The following RAB37 variants were observed in gnomAD, a reference collection of about 807,000 sequenced individuals.
RAB37 encodes the protein ras-related protein Rab-37.
RAB37 carries 29 observed loss-of-function variants against 33.1 expected under a neutral mutation model. The observed-to-expected ratio is 0.88, with a 90% CI of 0.65 to 1.20. The LOEUF is 1.20. Ranked by LOEUF, RAB37 falls within the 50% of genes most tolerant of loss-of-function variation. The pLI is 0.00. For missense variants in RAB37, 299 were observed against 301.1 expected (o/e 0.99, Z 0.05); for synonymous variants, 128 against 119.5 (o/e 1.07, Z -0.47).
At chr17:74,739,581 G>A (rs1356224618) in intron 1 of RAB37, among the ~76,000 whole-genome samples, 1 of 144,908 alleles carries the variant, frequency 6.9e-6, no homozygotes, top group Non-Finnish European at 1.5e-5. Context: ...CGAGGCTGGA[G>A]TTCAGTGATG....
chr17:74,709,581 A>T (rs978113506), intron 1 of RAB37, among the ~76,000 whole-genome samples: 6 of 151,604 alleles, frequency 4.0e-5, no homozygotes, highest in Non-Finnish European at 7.4e-5. Context: ...TTTTTTTGAG[A>T]TGGAGTCTTG....
chr17:74,708,842 G>A (rs904282474), intron 1 of RAB37, among the ~76,000 whole-genome samples: 1 of 151,616 alleles, frequency 6.6e-6, no homozygotes, highest in Non-Finnish European at 1.5e-5. Context: ...GTGAACCCGG[G>A]GGGGCGGAGC....
At chr17:74,715,411 G>A (rs2034153156) in intron 1 of RAB37, among the ~76,000 whole-genome samples, 2 of 152,218 alleles carry the variant, frequency 1.3e-5, no homozygotes, top group African/African-American at 4.8e-5. Flanking sequence ...TCAAGAATCC[G>A]GGGTGAGGGC....
intron 1 of RAB37, among the ~76,000 whole-genome samples, chr17:74,675,677 C>T (rs2031814829): frequency 6.6e-6 from 1 of 152,156 alleles, no homozygotes; most frequent in South Asian, 2.1e-4. Context: ...TTCTGACTTC[C>T]TAAGTTGAGT....
intron 1 of RAB37, chr17:74,705,088 A>G: frequency 3.1e-6 from 2 of 645,364 alleles, no homozygotes; most frequent in South Asian, 1.7e-5. Context: ...CCCTCTCTCC[A>G]CCCTACGGCC....
intron 1 of RAB37, among the ~76,000 whole-genome samples, chr17:74,712,267 C>T (rs1219873858): frequency 1.3e-5 from 2 of 152,192 alleles, no homozygotes; most frequent in Non-Finnish European, 2.9e-5. Context: ...TGGCTCTGCC[C>T]ACATCTCAGT....
Position 74,671,749 on chromosome 17 carries a change from A to C in RAB37, c.72+91A>C. ...CTCCCCTGACTTTGCTTTGGGACTT[A>C]ATGAGAAACTAGCTTGTATCTGTGA... On this transcript the variant is annotated intron_variant, in intron 1 of 7. Coordinates refer to the RAB37 transcript ENST00000340415. This position sits in a 1 kb window ranked among gnomAD's most constrained non-coding sequence, Gnocchi z 5.0. The C allele has an allele frequency of 9.1e-7, 1 of 1,102,228 alleles. No individual in the cohort carries two copies. Among genetic ancestry groups the C allele is most frequent in the Non-Finnish European group, 1.4e-6 (1 of 726,514 alleles). 68.3% of individuals were successfully genotyped at this position (1,102,228 alleles called of 1,614,324 possible). A position where few individuals can be genotyped will look rare whatever the true frequency, so the allele number is the denominator to read the frequency against.
chr17:74,737,157 G>A (rs1162474237), upstream of RAB37: 2 of 1,564,348 alleles, frequency 1.3e-6, no homozygotes, highest in African/African-American at 2.7e-5. Flanking sequence ...GGGACGGAGG[G>A]AGGAGCCTGA....
intron 1 of RAB37, chr17:74,695,066 T>C: frequency 6.2e-7 from 1 of 1,602,698 alleles, no homozygotes; most frequent in East Asian, 2.2e-5. Context: ...GCTCACAGCC[T>C]GGGGTCCAAG....
Position 74,743,325 on chromosome 17 carries a change from TTTCGACAACATCAGGGTAGGTCCTCCC to T in RAB37, c.355_366+15del. Reference sequence around the variant, plus strand: ...TGTATGACATCACCAACAAATCTTCTTTCGACAACATCAGGGTAGGTCCTCCCTTCCCCTGACTCCCACCCATAAGCA... The same window carrying T: ...TGTATGACATCACCAACAAATCTTCTTTCCCCTGACTCCCACCCATAAGCA... On this transcript the variant is annotated splice_donor_variant and splice_donor_5th_base_variant and coding_sequence_variant and intron_variant, in exon 5 of 9. Coordinates refer to ENST00000392613, the MANE Select transcript of RAB37 (RefSeq NM_001006638.3). LOFTEE classifies it high-confidence loss of function. 6.2e-7 allele frequency: 1 copy of T among 1,614,106 alleles called. No homozygotes were observed. The highest frequency in any genetic ancestry group is 8.5e-7 in the Non-Finnish European group (1 of 1,180,010).
rs2034688881 is a variant in RAB37 at position 74,744,111 on chromosome 17, G to A, written c.367-197G>A. Among the ~76,000 whole-genome samples, 1 of 152,142 alleles carries A rather than the reference G, an allele frequency of 6.6e-6. No individual in the cohort carries two copies. The highest frequency in any genetic ancestry group is 1.5e-5 in the Non-Finnish European group (1 of 68,032). On this transcript the variant is annotated intron_variant, in intron 5 of 8. Transcript: ENST00000392613. The surrounding 1 kb of genome is among the most constrained non-coding windows in gnomAD (Gnocchi z 4.2). ...TGATAGTTGCACAGCATAAAATGGT[G>A]AGGGTGGGGCCATTGTGGGTTGAGC...
rs752516616 is a variant in RAB37, at chr17:74,729,230, G to T, written c.73-26G>T. 7.7e-6 allele frequency: 12 copies of T among 1,565,618 alleles called. No homozygotes were observed. The South Asian group carries it at 1.3e-4, about 17-fold the overall frequency. On this transcript the variant is annotated intron_variant, in intron 1 of 7. Coordinates refer to the RAB37 transcript ENST00000340415. The surrounding 1 kb of genome is among the most constrained non-coding windows in gnomAD (Gnocchi z 4.2). Reference sequence around the variant, plus strand: ...GGCCAACTCACATCACAGGCCCTCAGCTCTCTCTCTATTGTTCCCTTCCAG... The same window carrying T: ...GGCCAACTCACATCACAGGCCCTCATCTCTCTCTCTATTGTTCCCTTCCAG...
chr17:74,675,292 G>T (rs142543731), intron 1 of RAB37, among the ~76,000 whole-genome samples: 15 of 151,970 alleles, frequency 9.9e-5, no homozygotes, highest in Non-Finnish European at 1.8e-4. Flanking sequence ...AAAATTAGCC[G>T]GGGGTGGTGG....
upstream of RAB37, chr17:74,737,192 G>C (rs942533244): frequency 1.3e-6 from 2 of 1,525,052 alleles, no homozygotes; most frequent in East Asian, 2.4e-5. Flanking sequence ...GGGAGGGGAG[G>C]AGTGGGCGGG....
intron 1 of RAB37, among the ~76,000 whole-genome samples, chr17:74,673,276 G>C (rs558078671): frequency 6.6e-6 from 1 of 151,608 alleles, no homozygotes; most frequent in Non-Finnish European, 1.5e-5. Flanking sequence ...GGTGGTGTGC[G>C]CCTGTGATCC....
intron 1 of RAB37, among the ~76,000 whole-genome samples, chr17:74,718,572 GA>G (rs201168090): frequency 6.7e-5 from 10 of 149,964 alleles, no homozygotes; most frequent in South Asian, 2.1e-4. Flanking sequence ...GATGTATTTG[GA>G]AAAAAAAACA....
At chr17:74,694,629 A>C (rs1397462211) in intron 1 of RAB37, 1 of 152,748 alleles carries the variant, frequency 6.5e-6, no homozygotes, top group South Asian at 2.1e-4. Context: ...TCTCTATCTC[A>C]AAGTCCTTAA....
chr17:74,691,746 A>G (rs2032160276), intron 1 of RAB37, among the ~76,000 whole-genome samples: 2 of 152,222 alleles, frequency 1.3e-5, no homozygotes, highest in South Asian at 2.1e-4. Context: ...CAACATAAGC[A>G]TATACTTATA....
intron 1 of RAB37, among the ~76,000 whole-genome samples, chr17:74,696,475 C>G (rs1432419932): frequency 6.6e-6 from 1 of 152,230 alleles, no homozygotes. Context: ...GAACTGTGCA[C>G]TCAGCTGATC....
Sources: gnomAD v4.1 joint callset for allele counts (sites outside exome capture counted in the v4.1 genomes callset) on GRCh38, gnomAD v4.1.1 for gene constraint, Gnocchi (gnomAD v3.1) non-coding constraint, MANE v1.5 for transcripts, NCBI Gene and HGNC (gene_info 2026-07-23, HGNC 2026-07-21) for gene names.